The following SP140 variants were observed in gnomAD, a reference collection of about 807,000 sequenced individuals.
The protein encoded by SP140 is nuclear body protein SP140.
SP140 carries 81 observed loss-of-function variants against 125.0 expected under a neutral mutation model. That is an observed-to-expected ratio of 0.65 (90% CI 0.54 to 0.78). The LOEUF (loss-of-function observed/expected upper bound fraction) is 0.78, where lower values mean the gene tolerates loss of function less well. SP140 is among the 30% of genes least tolerant of loss of function. The probability of loss-of-function intolerance (pLI) is 0.00; values close to 1 mark genes in which losing one functional copy is unlikely to be tolerated. For synonymous variants in SP140, 312 were observed against 354.0 expected (o/e 0.88, Z 1.33); for missense variants, 858 against 1,037.0 (o/e 0.83, Z 2.37).
At chr2:230,226,745 A>G (rs372797999) in intron 1 of SP140, among the ~76,000 whole-genome samples, 1 of 136,952 alleles carries the variant, frequency 7.3e-6, no homozygotes, top group East Asian at 2.0e-4. Flanking sequence ...CTGGGCAACA[A>G]GAGTGAAATT....
At chr2:230,261,819 G>A (rs150761936) in intron 12 of SP140, among the ~76,000 whole-genome samples, 2,333 of 152,210 alleles carry the variant, frequency 0.015, 26 homozygotes, top group Non-Finnish European at 0.021. Context: ...CATCGTCGTG[G>A]ATTATCTTTT....
chr2:230,310,547 T>TG (rs1244005700), intron 23 of SP140, among the ~76,000 whole-genome samples, 196 bp from the exon 24 acceptor site: 1 of 152,062 alleles, frequency 6.6e-6, no homozygotes, highest in African/African-American at 2.4e-5. Flanking sequence ...ACTTCCTGCC[T>TG]GCTGCTACCA....
At chr2:230,296,580 C>A (rs1029307500) in intron 21 of SP140, among the ~76,000 whole-genome samples, 1 of 152,222 alleles carries the variant, frequency 6.6e-6, no homozygotes, top group Non-Finnish European at 1.5e-5. Flanking sequence ...AAAAGAGCTG[C>A]AGCACAGAGG....
At chr2:230,229,456 CTTTTTTTTTT>C (rs1163771237) in intron 1 of SP140, among the ~76,000 whole-genome samples, 3 of 57,612 alleles carry the variant, frequency 5.2e-5, no homozygotes, top group Admixed American at 2.0e-4. Flanking sequence ...TGAAGAAATT[CTTTTTTTTTT>C]TTTTTTTTTT....
chr2:230,207,628 GCCTTGATTTTT>G (rs1415578081), intron 1 of SP140, among the ~76,000 whole-genome samples: 2 of 152,084 alleles, frequency 1.3e-5, no homozygotes, highest in Non-Finnish European at 2.9e-5. Context: ...TGAAGAGTGG[GCCTTGATTTTT>G]CTCTTTCTCA....
intron 1 of SP140, among the ~76,000 whole-genome samples, chr2:230,205,567 G>A (rs2043680185): frequency 6.6e-6 from 1 of 151,534 alleles, no homozygotes; most frequent in Non-Finnish European, 1.5e-5. Context: ...TTTCCCCTTT[G>A]TTTTTTGCTT....
intron 20 of SP140, among the ~76,000 whole-genome samples, chr2:230,294,008 G>A (rs1279923733): frequency 2.6e-5 from 4 of 152,160 alleles, no homozygotes; most frequent in Non-Finnish European, 5.9e-5. Context: ...GGTGGTATGA[G>A]ATTGTGAAGG....
At chr2:230,282,165 A>G (rs185463700) in intron 15 of SP140, among the ~76,000 whole-genome samples, 4 of 152,296 alleles carry the variant, frequency 2.6e-5, no homozygotes, top group East Asian at 1.9e-4. Context: ...ATATTAAGCA[A>G]ATCTCCTCTG....
At chr2:230,210,923 C>T (rs1287522255) in intron 1 of SP140, among the ~76,000 whole-genome samples, 4 of 152,196 alleles carry the variant, frequency 2.6e-5, no homozygotes, top group African/African-American at 9.6e-5. Flanking sequence ...AAATTCCCCA[C>T]AGTCAGGTGG....
intron 15 of SP140, among the ~76,000 whole-genome samples, chr2:230,275,595 C>G (rs890243066): frequency 6.6e-6 from 1 of 152,080 alleles, no homozygotes; most frequent in Non-Finnish European, 1.5e-5. Flanking sequence ...TTTCCTCTTT[C>G]CTGAGACAAA....
intron 17 of SP140, among the ~76,000 whole-genome samples, chr2:230,287,122 T>C (rs895546421): frequency 6.6e-6 from 1 of 152,230 alleles, no homozygotes; most frequent in Non-Finnish European, 1.5e-5. Context: ...TCGGCTGCAG[T>C]GTCTGCCATG....
upstream of SP140, among the ~76,000 whole-genome samples, chr2:230,201,810 T>C (rs1243250218): frequency 2.0e-5 from 3 of 152,168 alleles, no homozygotes; most frequent in Non-Finnish European, 2.9e-5. Flanking sequence ...TGTAACAGAG[T>C]ATGAAGTTAA....
rs529355899 is a variant in SP140, at chr2:230,294,999, T to G, written c.2016+681T>G. On this transcript the variant is annotated intron_variant, in intron 21 of 26. Coordinates refer to ENST00000392045, the MANE Select transcript of SP140 (RefSeq NM_007237.5). ...GGAGGGGCTGACCAGGAAAATCTTT[T>G]ATGTTGATGCCACCTCTTTGGCTCT... Among the ~76,000 whole-genome samples, 5 of 152,332 alleles carry G rather than the reference T, an allele frequency of 3.3e-5. No individual in the cohort carries two copies. In the East Asian group the frequency reaches 7.7e-4, roughly 23 times the overall value.
At chr2:230,212,133 T>C (rs748862396) in intron 1 of SP140, among the ~76,000 whole-genome samples, 3 of 152,136 alleles carry the variant, frequency 2.0e-5, no homozygotes, top group Non-Finnish European at 4.4e-5. Flanking sequence ...CTAGTGTGAG[T>C]GTTACGCAGG....
Position 230,309,960 on chromosome 2 carries a change from G to A in SP140, c.2095G>A (p.Gly699Arg), listed in dbSNP as rs751588297. The part of the protein sequence containing the change: ...NLDECEVCRD[G>R]GELFCCDTCS... ...GGATGAGTGTGAGGTGTGCCGGGAC[G>A]GAGGGGAGCTGTTCTGTTGCGACAC... The change falls in exon 23 of 27, where the codon GGA becomes AGA. Residue 699 changes from glycine to arginine, a missense_variant. Physicochemically the swap from Gly to Arg is moderately radical, Grantham distance 125 (BLOSUM62 -2). Around this residue, in one of 4 missense-constraint regions of SP140, gnomAD observed 791 missense variants for 869.5 expected, o/e 0.91. Transcript: ENST00000392045. The A allele has an allele frequency of 8.1e-6, 13 of 1,614,160 alleles. No homozygotes were observed. Among genetic ancestry groups the A allele is most frequent in the African/African-American group, 1.3e-5 (1 of 75,038 alleles).
intron 2 of SP140, 23 bp from the exon 3 acceptor site, chr2:230,238,190 A>G: frequency 6.4e-7 from 1 of 1,553,858 alleles, no homozygotes; most frequent in Non-Finnish European, 8.8e-7. Context: ...TAGCTACATA[A>G]TTCTCCATTT....
chr2:230,253,454 T>C (rs766703934), intron 11 of SP140, 37 bp downstream of exon 11: 1 of 1,495,470 alleles, frequency 6.7e-7, no homozygotes, highest in East Asian at 2.3e-5. Context: ...TTTGAGTACA[T>C]CTTTGTTTTC....
At chr2:230,208,184 G>A (rs1244102996) in intron 1 of SP140, 1 of 657,496 alleles carries the variant, frequency 1.5e-6, no homozygotes, top group East Asian at 2.7e-5. Context: ...GTGACCTTAG[G>A]TGATGGTACT....
intron 12 of SP140, among the ~76,000 whole-genome samples, chr2:230,268,484 GGTTGCACTCC>G (rs1356919510): frequency 6.6e-6 from 1 of 150,990 alleles, no homozygotes; most frequent in East Asian, 1.9e-4. Flanking sequence ...GAGATTACGC[GGTTGCACTCC>G]AGCCTGGGCG....
Sources: allele counts gnomAD v4.1 joint callset (sites outside exome capture counted in the v4.1 genomes callset), GRCh38; gene constraint gnomAD v4.1.1; regional missense constraint gnomAD v4.1.1; transcripts MANE v1.5; gene names NCBI Gene and HGNC (gene_info 2026-07-23, HGNC 2026-07-21).